The following RB1 variants were observed in gnomAD, a reference collection of about 807,000 sequenced individuals.
The protein encoded by RB1 is retinoblastoma-associated protein.
RB1 carries 18 observed loss-of-function variants against 135.4 expected under a neutral mutation model. That is an observed-to-expected ratio of 0.13 (90% CI 0.09 to 0.20). RB1 has a LOEUF of 0.20. Ranked by LOEUF, RB1 falls within the 10% of genes least tolerant of loss-of-function variation. The pLI is 1.00. For missense variants in RB1, 868 were observed against 1,110.0 expected (o/e 0.78, Z 3.10); for synonymous variants, 365 against 373.2 (o/e 0.98, Z 0.25).
intron 17 of RB1, chr13:48,445,294 C>T (rs1296964119): frequency 6.6e-6 from 1 of 152,206 alleles, no homozygotes; most frequent in African/African-American, 2.4e-5. Flanking sequence ...AAGCCAGACA[C>T]AATTGAACTA....
intron 2 of RB1, among the ~76,000 whole-genome samples, chr13:48,316,263 G>A (rs986094696): frequency 1.3e-5 from 2 of 152,006 alleles, no homozygotes; most frequent in African/African-American, 4.8e-5. Flanking sequence ...AAGGACCAGG[G>A]GGGCGGTGGG....
At chr13:48,327,798 G>T (rs1952300800) in intron 2 of RB1, among the ~76,000 whole-genome samples, 1 of 152,004 alleles carries the variant, frequency 6.6e-6, no homozygotes, top group Non-Finnish European at 1.5e-5. Context: ...AAAAAAATAG[G>T]CAATTCTTAA....
Position 48,446,080 on chromosome 13 carries a change from C to G in RB1, c.1696-6913C>G, listed in dbSNP as rs145090255. On this transcript the variant is annotated intron_variant, in intron 17 of 26. Coordinates refer to ENST00000267163, the MANE Select transcript of RB1 (RefSeq NM_000321.3). ...TCAAGCGATTCTCCTGCCTCAGCCT[C>G]CTGAGTAGCTGGGATTATAGGTGCG... Among the ~76,000 whole-genome samples, 179 of 152,280 alleles carry G rather than the reference C, an allele frequency of 1.2e-3. 1 individual carries two copies. The highest frequency in any genetic ancestry group is 3.2e-3 in the African/African-American group (132 of 41,542).
At chr13:48,411,427 A>G in intron 17 of RB1, 1 of 1,612,970 alleles carries the variant, frequency 6.2e-7, no homozygotes. Context: ...TTACTTTTTA[A>G]GGTCTGTAGG....
intron 19 of RB1, among the ~76,000 whole-genome samples, chr13:48,458,106 G>A (rs1264638780): frequency 6.6e-6 from 1 of 152,234 alleles, no homozygotes. Flanking sequence ...AAGGGGCGGG[G>A]TTCCTGCTTG....
chr13:48,346,018 A>C (rs1167680519), intron 4 of RB1, among the ~76,000 whole-genome samples: 3 of 151,972 alleles, frequency 2.0e-5, no homozygotes, highest in Non-Finnish European at 2.9e-5. Flanking sequence ...AAATTAGAGA[A>C]AAAACTCAAA....
chr13:48,319,235 G>T lies in RB1; in HGVS notation c.264+11829G>T. On this transcript the variant is annotated intron_variant, in intron 2 of 26. Coordinates refer to ENST00000267163, the MANE Select transcript of RB1 (RefSeq NM_000321.3). This position sits in a 1 kb window ranked among gnomAD's most constrained non-coding sequence, Gnocchi z 5.0. ...TCCTCTAGCTGGGTGTTTTCCTGTG[G>T]GTCTCGCGCAAGGCACTTTTTTGTG... 1.2e-6 allele frequency: 1 copy of T among 805,036 alleles called. No individual in the cohort carries two copies. The allele number at this position is 805,036 out of a possible 1,614,324, so 49.9% of individuals were successfully genotyped here. A position where few individuals can be genotyped will look rare whatever the true frequency, so the allele number is the denominator to read the frequency against.
chr13:48,475,141 G>T (rs1406398331), intron 24 of RB1, among the ~76,000 whole-genome samples: 2 of 152,132 alleles, frequency 1.3e-5, no homozygotes, highest in African/African-American at 2.4e-5. Context: ...AAAGAACTGG[G>T]ATTACAGATG....
At chr13:48,305,448 A>C (rs74074198) in intron 1 of RB1, among the ~76,000 whole-genome samples, 2 of 152,234 alleles carry the variant, frequency 1.3e-5, no homozygotes, top group African/African-American at 4.8e-5. Flanking sequence ...ATTCTGATGT[A>C]TCCAATTCTT....
At chr13:48,323,575 A>G (rs1210376170) in intron 2 of RB1, among the ~76,000 whole-genome samples, 1 of 151,878 alleles carries the variant, frequency 6.6e-6, no homozygotes, top group African/African-American at 2.4e-5. Context: ...TAATGTGTGT[A>G]TTGGATAACT....
At chr13:48,331,475 A>G (rs992551518) in intron 2 of RB1, among the ~76,000 whole-genome samples, 2 of 152,148 alleles carry the variant, frequency 1.3e-5, no homozygotes, top group Non-Finnish European at 2.9e-5. Flanking sequence ...TGAGAGTGGC[A>G]TCAGTGGCTT....
intron 2 of RB1, among the ~76,000 whole-genome samples, chr13:48,336,474 G>C (rs1033136450): frequency 4.6e-5 from 7 of 152,134 alleles, no homozygotes; most frequent in African/African-American, 1.7e-4. Flanking sequence ...TATTTGCGTA[G>C]AGGTGTTTAT....
rs1057073712 is a variant in RB1, at chr13:48,320,269, G to T, written c.264+12863G>T. On this transcript the variant is annotated intron_variant, in intron 2 of 26. Coordinates refer to ENST00000267163, the MANE Select transcript of RB1 (RefSeq NM_000321.3). ...GGCGTCTGCCCTGTGGCCCCTCTGT[G>T]CAGCGCGCTCATCGGTGGTGCCCCG... 4.2e-6 allele frequency: 5 copies of T among 1,186,854 alleles called. No homozygotes were observed. In the African/African-American group the frequency reaches 6.0e-5, roughly 14 times the overall value. The allele number at this position is 1,186,854 out of a possible 1,614,324, so 73.5% of individuals were successfully genotyped here. A position where few individuals can be genotyped will look rare whatever the true frequency, so the allele number is the denominator to read the frequency against.
At chr13:48,456,639 C>G (rs546441962) in intron 19 of RB1, among the ~76,000 whole-genome samples, 1 of 152,360 alleles carries the variant, frequency 6.6e-6, no homozygotes, top group East Asian at 1.9e-4. Flanking sequence ...GCACTCGGCT[C>G]ACACTACCGG....
intron 21 of RB1, 26 bp from the exon 22 acceptor site, chr13:48,464,958 CTTTTTTTTTTTTTT>C (rs553094345): frequency 4.8e-6 from 4 of 832,618 alleles, no homozygotes; most frequent in Non-Finnish European, 6.4e-6. Context: ...GTAAATTTTA[CTTTTTTTTTTTTTT>C]TTTTTTTTTT....
At chr13:48,312,718 T>G (rs1952142061) in intron 2 of RB1, among the ~76,000 whole-genome samples, 1 of 152,200 alleles carries the variant, frequency 6.6e-6, no homozygotes, top group Non-Finnish European at 1.5e-5. Context: ...TTTTACTGTT[T>G]GCTTTGGTTT....
chr13:48,446,176 T>C (rs1429451858), intron 17 of RB1, among the ~76,000 whole-genome samples: 1 of 152,190 alleles, frequency 6.6e-6, no homozygotes, highest in Non-Finnish European at 1.5e-5. Flanking sequence ...CAGGCTGGTC[T>C]TGAACTCCTG....
chr13:48,394,453 A>G (rs1396666791), intron 17 of RB1, among the ~76,000 whole-genome samples: 1 of 152,154 alleles, frequency 6.6e-6, no homozygotes, highest in African/African-American at 2.4e-5. Context: ...CAAGTGGTCT[A>G]CCTCAGCGGA....
At chr13:48,412,415 G>T (rs369056064) in intron 17 of RB1, 2 of 1,612,778 alleles carry the variant, frequency 1.2e-6, no homozygotes. Context: ...AGCTGTTAAC[G>T]CTTACCATCG....
Sources: allele counts gnomAD v4.1 joint callset (sites outside exome capture counted in the v4.1 genomes callset), GRCh38; gene constraint gnomAD v4.1.1; non-coding constraint Gnocchi (gnomAD v3.1); transcripts MANE v1.5; gene names NCBI Gene and HGNC (gene_info 2026-07-23, HGNC 2026-07-21).